The following ATP9B variants were observed in gnomAD, a reference collection of about 807,000 sequenced individuals.
ATP9B encodes ATPase phospholipid transporting 9B.
A neutral mutation model predicts 146.1 loss-of-function variants in ATP9B; 110 were observed. The ratio of observed to expected loss-of-function variants is 0.75; its 90% CI spans 0.65 to 0.88. The LOEUF (loss-of-function observed/expected upper bound fraction) is 0.88, where lower values mean the gene tolerates loss of function less well. Among genes scored for constraint, ATP9B ranks in the 40% least tolerant of loss-of-function variants. ATP9B has a pLI of 0.00. For missense variants in ATP9B, 1,499 were observed against 1,496.4 expected (o/e 1.00, Z -0.03); for synonymous variants, 604 against 569.7 (o/e 1.06, Z -0.86).
At chr18:79,368,832 G>C (rs1020633666) in intron 26 of ATP9B, among the ~76,000 whole-genome samples, 6 of 151,688 alleles carry the variant, frequency 4.0e-5, no homozygotes, top group Middle Eastern at 3.2e-3. Flanking sequence ...CCTCGTCGTT[G>C]GCACGTCTCT....
intron 19 of ATP9B, chr18:79,340,272 C>T (rs936973019): frequency 3.9e-5 from 6 of 152,150 alleles, no homozygotes; most frequent in African/African-American, 1.2e-4. Context: ...ATGACTTTCT[C>T]GAGTTTTGCT....
intron 1 of ATP9B, among the ~76,000 whole-genome samples, chr18:79,082,777 A>T (rs1385883215): frequency 6.6e-6 from 1 of 152,166 alleles, no homozygotes; most frequent in Admixed American, 6.5e-5. Context: ...TTCCTCTGGA[A>T]GCTTCGTCCC....
At chr18:79,275,741 G>A (rs1450125854) in intron 12 of ATP9B, among the ~76,000 whole-genome samples, 1 of 152,172 alleles carries the variant, frequency 6.6e-6, no homozygotes, top group Non-Finnish European at 1.5e-5. Flanking sequence ...TCATCTTGCA[G>A]GGGAGCTTTG....
At chr18:79,200,758 G>GGGACTGTCGGGGTCAGA (rs2095473127) in intron 9 of ATP9B, among the ~76,000 whole-genome samples, 1 of 152,252 alleles carries the variant, frequency 6.6e-6, no homozygotes, top group African/African-American at 2.4e-5. Flanking sequence ...GGTGGAGGTG[G>GGGACTGTCGGGGTCAGA]GAACGTTGGG....
chr18:79,372,557 A>T (rs1298645357), intron 26 of ATP9B: 1 of 611,342 alleles, frequency 1.6e-6, no homozygotes, highest in Admixed American at 2.1e-5. Context: ...CTGGCTTAGT[A>T]GAGCCAACAA....
rs868579845 is a variant in ATP9B, at chr18:79,327,530, G to A, written c.1774-1611G>A. Among the ~76,000 whole-genome samples, 705 of 109,108 alleles carry A rather than the reference G, an allele frequency of 6.5e-3. 16 individuals are homozygous for A. The highest frequency in any genetic ancestry group is 0.013 in the African/African-American group (357 of 27,596). The allele number at this position is 109,108 out of a possible 152,430, so 71.6% of individuals were successfully genotyped here. A position where few individuals can be genotyped will look rare whatever the true frequency, so the allele number is the denominator to read the frequency against. ...TCTCTCCATGGTTAGCGTGCTCTCC[G>A]TGGTTAGCGTGCTCTCCGTGGTTAG... On this transcript the variant is annotated intron_variant, in intron 15 of 29. Coordinates refer to ENST00000426216, the MANE Select transcript of ATP9B (RefSeq NM_198531.5).
chr18:79,093,750 A>C (rs2074543332), intron 1 of ATP9B, among the ~76,000 whole-genome samples: 1 of 152,094 alleles, frequency 6.6e-6, no homozygotes, highest in Non-Finnish European at 1.5e-5. Flanking sequence ...ATCTGCTTAG[A>C]ATTTCTGTCT....
At chr18:79,118,395 T>G (rs1264580584) in intron 4 of ATP9B, among the ~76,000 whole-genome samples, 3 of 122,226 alleles carry the variant, frequency 2.5e-5, no homozygotes, top group Admixed American at 1.7e-4. Context: ...TTTTTGTTTT[T>G]TTTTTTTTTT....
chr18:79,373,755 C>A, intron 27 of ATP9B, 143 bp from the exon 28 acceptor site: 1 of 816,340 alleles, frequency 1.2e-6, no homozygotes, highest in Non-Finnish European at 1.9e-6. Flanking sequence ...TCCCAAAGTG[C>A]TGGGAAGACA....
At chr18:79,097,911 C>G (rs1244610624) in intron 2 of ATP9B, among the ~76,000 whole-genome samples, 1 of 151,488 alleles carries the variant, frequency 6.6e-6, no homozygotes, top group Non-Finnish European at 1.5e-5. Context: ...ATGGCTGGGT[C>G]AAATGGTATT....
At chr18:79,099,094 C>T (rs1323822752) in intron 2 of ATP9B, among the ~76,000 whole-genome samples, 1 of 152,140 alleles carries the variant, frequency 6.6e-6, no homozygotes. Context: ...CTTTTTCTAG[C>T]TTCATAAGAT....
chr18:79,210,453 T>C (rs1011923144), intron 10 of ATP9B, among the ~76,000 whole-genome samples: 1 of 152,126 alleles, frequency 6.6e-6, no homozygotes, highest in African/African-American at 2.4e-5. Flanking sequence ...GTCTCAGCCA[T>C]GTGGACTCTA....
intron 8 of ATP9B, among the ~76,000 whole-genome samples, chr18:79,184,814 C>G (rs945351689): frequency 2.0e-5 from 3 of 152,112 alleles, no homozygotes; most frequent in Admixed American, 6.5e-5. Context: ...AAGCCCCACC[C>G]TCTGCATCCT....
intron 9 of ATP9B, among the ~76,000 whole-genome samples, chr18:79,206,076 G>A (rs2095531046): frequency 1.3e-5 from 2 of 152,002 alleles, no homozygotes; most frequent in South Asian, 4.2e-4. Flanking sequence ...AAGCAGCTGG[G>A]ACTACAGGTG....
chr18:79,158,115 C>A (rs1441591553), intron 7 of ATP9B, among the ~76,000 whole-genome samples: 1 of 151,844 alleles, frequency 6.6e-6, no homozygotes, highest in Non-Finnish European at 1.5e-5. Context: ...ACTTGAGGGT[C>A]TTTTTTAGTA....
chr18:79,241,486 C>T (rs910855044), intron 11 of ATP9B, among the ~76,000 whole-genome samples: 5 of 152,154 alleles, frequency 3.3e-5, no homozygotes, highest in Admixed American at 6.5e-5. Flanking sequence ...TGGCCTCCGT[C>T]GTCAGCCAGG....
At chr18:79,325,888 G>A (rs1454311068) in intron 15 of ATP9B, among the ~76,000 whole-genome samples, 2 of 80,488 alleles carry the variant, frequency 2.5e-5, no homozygotes, top group African/African-American at 4.8e-5. Context: ...TGTACCCTCC[G>A]TCCCCTCACA....
At chr18:79,134,765 C>T (rs964928685) in intron 5 of ATP9B, among the ~76,000 whole-genome samples, 2 of 152,208 alleles carry the variant, frequency 1.3e-5, no homozygotes, top group African/African-American at 2.4e-5. Flanking sequence ...GCCTTTGTCA[C>T]ATGTAGCAAA....
At chr18:79,190,786 T>C (rs768244666) in intron 8 of ATP9B, among the ~76,000 whole-genome samples, 5 of 152,140 alleles carry the variant, frequency 3.3e-5, no homozygotes, top group African/African-American at 4.8e-5. Context: ...CCTCATGTGA[T>C]CCACCTGCCA....
Sources: allele counts gnomAD v4.1 joint callset (sites outside exome capture counted in the v4.1 genomes callset), GRCh38; gene constraint gnomAD v4.1.1; transcripts MANE v1.5; gene names NCBI Gene and HGNC (gene_info 2026-07-23, HGNC 2026-07-21).